TIAM2: variants seen among roughly 807,000 people sequenced by gnomAD.
The protein encoded by TIAM2 is rho guanine nucleotide exchange factor TIAM2.
TIAM2 carries 80 observed loss-of-function variants against 152.9 expected under a neutral mutation model. The observed-to-expected ratio is 0.52, with a 90% CI of 0.44 to 0.63. The LOEUF (loss-of-function observed/expected upper bound fraction) is 0.63, where lower values mean the gene tolerates loss of function less well. TIAM2 is among the 30% of genes least tolerant of loss of function. The pLI, the probability that TIAM2 is intolerant of heterozygous loss-of-function variation, is 0.00. For synonymous variants in TIAM2, 804 were observed against 838.0 expected, an observed-to-expected ratio of 0.96 and a Z score of 0.70; for missense variants, 1,965 against 2,120.1, an observed-to-expected ratio of 0.93 and a Z score of 1.44.
chr6:155,084,027 C>G (rs1778127373), intron 1 of TIAM2, among the ~76,000 whole-genome samples: 1 of 152,174 alleles, frequency 6.6e-6, no homozygotes, highest in African/African-American at 2.4e-5. Flanking sequence ...GGCTGCCCAC[C>G]TCCCCTTCCT....
At chr6:155,143,762 G>T (rs1779763915) in intron 5 of TIAM2, among the ~76,000 whole-genome samples, 1 of 152,146 alleles carries the variant, frequency 6.6e-6, no homozygotes, top group Admixed American at 6.5e-5. Flanking sequence ...TCACATCCCT[G>T]CTGCTCCACA....
At chr6:155,077,504 G>A (rs1431004392) in intron 1 of TIAM2, among the ~76,000 whole-genome samples, 2 of 152,098 alleles carry the variant, frequency 1.3e-5, no homozygotes, top group African/African-American at 2.4e-5. Flanking sequence ...TGTTAGTAAC[G>A]GACATTGAGG....
chr6:155,075,186 C>T (rs762664715), intron 1 of TIAM2, among the ~76,000 whole-genome samples: 1 of 151,932 alleles, frequency 6.6e-6, no homozygotes, highest in Non-Finnish European at 1.5e-5. Context: ...TTCAAGTTGA[C>T]AAAGTAAAAA....
intron 1 of TIAM2, among the ~76,000 whole-genome samples, chr6:155,059,505 C>T (rs1422406208): frequency 3.9e-5 from 6 of 151,914 alleles, no homozygotes; most frequent in Non-Finnish European, 8.8e-5. Context: ...TAGCCGAGAT[C>T]GGGTTTCGCC....
intron 1 of TIAM2, among the ~76,000 whole-genome samples, chr6:155,031,582 G>A (rs576166048): frequency 6.6e-6 from 1 of 152,032 alleles, no homozygotes; most frequent in African/African-American, 2.4e-5. Context: ...AAATTAGCTG[G>A]GTGTGGTGGC....
chr6:155,225,021 T>C (rs943998620), intron 15 of TIAM2, among the ~76,000 whole-genome samples: 1 of 152,224 alleles, frequency 6.6e-6, no homozygotes, highest in Non-Finnish European at 1.5e-5. Flanking sequence ...AATGGTGCGA[T>C]CTTGGCTGAC....
intron 1 of TIAM2, among the ~76,000 whole-genome samples, chr6:155,069,618 A>G (rs1471628971): frequency 7.4e-6 from 1 of 135,972 alleles, no homozygotes; most frequent in East Asian, 2.1e-4. Flanking sequence ...CTGTAAAATA[A>G]TAGGAAAAGC....
chr6:155,020,881 C>T (rs1776464997), intron 1 of TIAM2, among the ~76,000 whole-genome samples: 1 of 152,156 alleles, frequency 6.6e-6, no homozygotes, highest in Non-Finnish European at 1.5e-5. Flanking sequence ...CCCCGTTAAA[C>T]AATACCCCCC....
intron 1 of TIAM2, among the ~76,000 whole-genome samples, chr6:155,064,717 T>C (rs2114943406): frequency 6.6e-6 from 1 of 152,340 alleles, no homozygotes; most frequent in East Asian, 1.9e-4. Context: ...CTTGTGTGCA[T>C]GCATATTGAA....
At chr6:155,028,744 TACTAC>T (rs1776704400) in intron 1 of TIAM2, among the ~76,000 whole-genome samples, 1 of 133,028 alleles carries the variant, frequency 7.5e-6, no homozygotes, top group Non-Finnish European at 1.5e-5. Context: ...CTGTGTTATA[TACTAC>T]ATATAATATA....
chr6:155,051,803 C>T (rs1168029619), intron 1 of TIAM2, among the ~76,000 whole-genome samples: 1 of 152,062 alleles, frequency 6.6e-6, no homozygotes, highest in East Asian at 1.9e-4. Flanking sequence ...CACTACCACG[C>T]CCAGCTAATT....
intron 1 of TIAM2, among the ~76,000 whole-genome samples, chr6:155,017,707 G>A (rs569117348): frequency 9.3e-4 from 142 of 152,142 alleles, no homozygotes; most frequent in African/African-American, 3.3e-3. Context: ...GTTTCACCGT[G>A]TTAGCCAGGA....
In TIAM2 at chr6:155,214,223, G is replaced by A. The variant is rs532119819; in HGVS notation, c.3168+2916G>A. ...CTCCATGGAACGCACAGCGCTGGCC[G>A]TGCCTCCCCCGGTGCAGCCGGCATC... is the stretch of plus-strand genomic sequence containing the variant. On this transcript the variant is annotated intron_variant, in intron 15 of 26. Transcript: ENST00000682666. This position sits in a 1 kb window ranked among gnomAD's most constrained non-coding sequence, Gnocchi z 5.4. 5.9e-5 allele frequency among the ~76,000 whole-genome samples: 9 copies of A among 152,356 alleles called. No homozygotes were observed. In the East Asian group the frequency reaches 1.5e-3, roughly 26 times the overall value.
intron 1 of TIAM2, among the ~76,000 whole-genome samples, chr6:155,060,952 G>T (rs947306950): frequency 6.6e-6 from 1 of 151,388 alleles, no homozygotes; most frequent in African/African-American, 2.5e-5. Context: ...TAGCTCTTGT[G>T]TTCTTTTAGT....
chr6:155,138,923 CATTGCCATTTAAAAACTATA>C, intron 5 of TIAM2, among the ~76,000 whole-genome samples: 1 of 152,206 alleles, frequency 6.6e-6, no homozygotes, highest in East Asian at 1.9e-4. Context: ...TTTTTATAAG[CATTGCCATTTAAAAACTATA>C]ATTGCCTTGA....
intron 14 of TIAM2, among the ~76,000 whole-genome samples, chr6:155,201,231 A>G (rs1229240872): frequency 6.6e-6 from 1 of 152,074 alleles, no homozygotes; most frequent in Non-Finnish European, 1.5e-5. Flanking sequence ...GTGTCCTCAA[A>G]TTTTCTTTTT....
intron 7 of TIAM2, among the ~76,000 whole-genome samples, chr6:155,155,599 T>C (rs549490238): frequency 1.1e-3 from 169 of 152,286 alleles, no homozygotes; most frequent in African/African-American, 3.9e-3. Context: ...CTTAGCCTCC[T>C]GGGTAGCTGG....
intron 16 of TIAM2, among the ~76,000 whole-genome samples, chr6:155,243,673 C>T (rs532604837): frequency 1.3e-5 from 2 of 151,444 alleles, no homozygotes; most frequent in Non-Finnish European, 2.9e-5. Flanking sequence ...ATGGTGAAAC[C>T]CTGCCCCTAC....
chr6:155,065,110 C>T (rs142786878), intron 1 of TIAM2, among the ~76,000 whole-genome samples: 9 of 152,210 alleles, frequency 5.9e-5, no homozygotes, highest in East Asian at 3.9e-4. Context: ...CCCGACACCA[C>T]GCCCGGCTGA....
Sources: allele counts gnomAD v4.1 joint callset (sites outside exome capture counted in the v4.1 genomes callset), GRCh38; gene constraint gnomAD v4.1.1; non-coding constraint Gnocchi (gnomAD v3.1); transcripts MANE v1.5; gene names NCBI Gene and HGNC (gene_info 2026-07-23, HGNC 2026-07-21).